PDLIM5: variants seen among roughly 807,000 people sequenced by gnomAD.
The protein encoded by PDLIM5 is PDZ and LIM domain protein 5.
In PDLIM5, 34 loss-of-function variants were observed where a neutral mutation model predicts 64.2. The observed-to-expected ratio is 0.53, with a 90% CI of 0.40 to 0.71. PDLIM5 has a LOEUF of 0.71. Ranked by LOEUF, PDLIM5 falls within the 30% of genes least tolerant of loss-of-function variation. The pLI, the probability that PDLIM5 is intolerant of heterozygous loss-of-function variation, is 0.00. For missense variants in PDLIM5, 683 were observed against 733.6 expected, an observed-to-expected ratio of 0.93 and a Z score of 0.80; for synonymous variants, 253 against 269.1, an observed-to-expected ratio of 0.94 and a Z score of 0.59.
intron 8 of PDLIM5, among the ~76,000 whole-genome samples, chr4:94,635,847 C>T (rs961494731): frequency 6.6e-6 from 1 of 152,258 alleles, no homozygotes; most frequent in South Asian, 2.1e-4. Context: ...TTTGTTCATA[C>T]GGGAAATAGC....
At chr4:94,512,928 G>A (rs552536287) in intron 2 of PDLIM5, among the ~76,000 whole-genome samples, 9 of 152,066 alleles carry the variant, frequency 5.9e-5, no homozygotes, top group Non-Finnish European at 1.0e-4. Flanking sequence ...AGAGATAGAC[G>A]TCTAATTTCA....
chr4:94,455,688 C>A lies in PDLIM5; in HGVS notation c.96+304C>A, dbSNP rs570072474. The A allele has an allele frequency of 6.4e-6, 7 of 1,094,202 alleles. No homozygotes were observed. The South Asian group carries it at 1.0e-4, about 16-fold the overall frequency. 67.8% of individuals were successfully genotyped at this position (1,094,202 alleles called of 1,614,324 possible). On this transcript the variant is annotated intron_variant, in intron 2 of 12. Transcript: ENST00000317968. ...TAATTTGGGGAATTCTCTGAATCTT[C>A]GTTCTTTCATATATAATTTTCAAAG... is the stretch of plus-strand genomic sequence containing the variant.
chr4:94,640,388 A>G lies in PDLIM5; in HGVS notation c.1221A>G (p.Arg407=). 1 of 1,612,646 alleles carries G rather than the reference A, an allele frequency of 6.2e-7. No individual in the cohort carries two copies. Among genetic ancestry groups the G allele is most frequent in the South Asian group, 1.1e-5 (1 of 90,974 alleles). ...GTGACCAGGACACTTTAGTGCAAAG[A>G]GCTGAGCACATTCCAGCAGGGAAAC... The part of the protein sequence containing the change: ...QPSDQDTLVQ[R]AEHIPAGKRT... Residue 407 remains arginine (R), a synonymous_variant, in exon 9 of 13, where the codon AGA becomes AGG. Transcript: ENST00000317968.
At chr4:94,563,748 C>T (rs541949582) in intron 3 of PDLIM5, among the ~76,000 whole-genome samples, 5 of 152,066 alleles carry the variant, frequency 3.3e-5, no homozygotes, top group Non-Finnish European at 5.9e-5. Context: ...AGATGAAAGA[C>T]AAATTAGATA....
At chr4:94,613,063 C>G (rs1738504467) in intron 7 of PDLIM5, among the ~76,000 whole-genome samples, 1 of 151,838 alleles carries the variant, frequency 6.6e-6, no homozygotes, top group Non-Finnish European at 1.5e-5. Flanking sequence ...AGGAAAGACA[C>G]TCATTACCCT....
At chr4:94,512,633 T>G (rs1198397433) in intron 2 of PDLIM5, among the ~76,000 whole-genome samples, 2 of 151,862 alleles carry the variant, frequency 1.3e-5, no homozygotes, top group African/African-American at 4.8e-5. Flanking sequence ...TTTTTTTTCA[T>G]AGCGTTGTTT....
chr4:94,466,307 A>G (rs1330046469), intron 2 of PDLIM5, among the ~76,000 whole-genome samples: 4 of 152,202 alleles, frequency 2.6e-5, no homozygotes, highest in Non-Finnish European at 5.9e-5. Flanking sequence ...TAGAGAATCA[A>G]AAACTTGTAT....
At position 94,612,272 on chromosome 4, in the gene PDLIM5, A is replaced by G. The variant is rs575687466; in HGVS notation, c.921-5732A>G. On this transcript the variant is annotated intron_variant, in intron 7 of 12. Coordinates refer to ENST00000317968, the MANE Select transcript of PDLIM5 (RefSeq NM_006457.5). ...ACAAAAAATATATATATATTTACCTATTATTCTGGGTAACTTTTAAGGGAG... is the reference window on the plus strand; with the variant it reads ...ACAAAAAATATATATATATTTACCTGTTATTCTGGGTAACTTTTAAGGGAG... Among the ~76,000 whole-genome samples, 4 of 152,292 alleles carry G rather than the reference A, an allele frequency of 2.6e-5. No individual in the cohort carries two copies. The East Asian group carries it at 5.8e-4, about 22-fold the overall frequency.
At chr4:94,485,839 G>T (rs548251130) in intron 2 of PDLIM5, among the ~76,000 whole-genome samples, 1 of 128,390 alleles carries the variant, frequency 7.8e-6, no homozygotes, top group Non-Finnish European at 1.6e-5. Flanking sequence ...GACAGAGTGA[G>T]ACTCCGTCTC....
chr4:94,525,627 G>A (rs1730286188), intron 3 of PDLIM5, among the ~76,000 whole-genome samples: 1 of 152,160 alleles, frequency 6.6e-6, no homozygotes, highest in Non-Finnish European at 1.5e-5. Context: ...ATATTTACCT[G>A]AGTATCAATT....
At chr4:94,463,625 CAGG>C (rs1165577583) in intron 2 of PDLIM5, among the ~76,000 whole-genome samples, 1 of 151,952 alleles carries the variant, frequency 6.6e-6, no homozygotes, top group African/African-American at 2.4e-5. Context: ...GGAAGGGAAG[CAGG>C]AGAAAGCAGG....
At chr4:94,455,750 CA>C in intron 2 of PDLIM5, 1 of 1,503,196 alleles carries the variant, frequency 6.7e-7, no homozygotes, top group Non-Finnish European at 8.9e-7. Flanking sequence ...CTTTCAGTTC[CA>C]AAAGCTGTTT....
Position 94,665,636 on chromosome 4 carries a change from C to A in PDLIM5, c.*1569C>A. 1 of 1,018,514 alleles carries A rather than the reference C, an allele frequency of 9.8e-7. No individual in the cohort carries two copies. The highest frequency in any genetic ancestry group is 1.2e-6 in the Non-Finnish European group (1 of 851,888). 63.1% of individuals were successfully genotyped at this position (1,018,514 alleles called of 1,614,324 possible). On this transcript the variant is annotated 3_prime_UTR_variant, in exon 13 of 13. Transcript: ENST00000317968. The stretch of plus-strand genomic sequence containing the variant: ...TTAAATCAGTTTCTGAGTTATGCCA[C>A]TGGCTGATGAAGAGTTGAGAGGTCT...
chr4:94,660,242 C>T (rs1742576055), intron 11 of PDLIM5, among the ~76,000 whole-genome samples: 2 of 152,158 alleles, frequency 1.3e-5, no homozygotes, highest in African/African-American at 4.8e-5. Flanking sequence ...TATCTCCTCT[C>T]ACCTTACCTT....
chr4:94,624,818 G>C (rs958813622), intron 8 of PDLIM5, among the ~76,000 whole-genome samples: 1 of 152,178 alleles, frequency 6.6e-6, no homozygotes, highest in African/African-American at 2.4e-5. Context: ...TGCATTAATG[G>C]GGGTTTTGAA....
chr4:94,455,156 T>C (rs1723218613), intron 1 of PDLIM5, 91 bp from the exon 2 acceptor site: 1 of 600,774 alleles, frequency 1.7e-6, no homozygotes. Context: ...TTCTATATCC[T>C]CTCACCCCCC....
At chr4:94,455,554 A>G (rs528308615) in intron 2 of PDLIM5, 170 bp downstream of exon 2, 1 of 644,346 alleles carries the variant, frequency 1.6e-6, no homozygotes, top group East Asian at 2.7e-5. Context: ...TAGATTTAGC[A>G]AGGATAACTG....
chr4:94,455,489 C>A, intron 2 of PDLIM5, 105 bp downstream of exon 2: 1 of 796,486 alleles, frequency 1.3e-6, no homozygotes, highest in Non-Finnish European at 2.2e-6. Context: ...ATTATCATTG[C>A]TCCTGGGATT....
chr4:94,491,655 A>T (rs1282086271), intron 2 of PDLIM5, among the ~76,000 whole-genome samples: 1 of 152,020 alleles, frequency 6.6e-6, no homozygotes. Flanking sequence ...CCTCTGACTC[A>T]TGGAAGTTAG....
Sources: allele counts gnomAD v4.1 joint callset (sites outside exome capture counted in the v4.1 genomes callset), GRCh38; gene constraint gnomAD v4.1.1; transcripts MANE v1.5; gene names NCBI Gene and HGNC (gene_info 2026-07-23, HGNC 2026-07-21).